The following VASH1 variants were observed in gnomAD, a reference collection of about 807,000 sequenced individuals.
VASH1 encodes tubulinyl-Tyr carboxypeptidase 1.
A neutral mutation model predicts 35.0 loss-of-function variants in VASH1; 16 were observed. The observed-to-expected ratio is 0.46, with a 90% CI of 0.31 to 0.70. The LOEUF (loss-of-function observed/expected upper bound fraction) is 0.70, where lower values mean the gene tolerates loss of function less well. Ranked by LOEUF, VASH1 falls within the 30% of genes least tolerant of loss-of-function variation. The probability of loss-of-function intolerance (pLI) is 0.05; values close to 1 mark genes in which losing one functional copy is unlikely to be tolerated. For missense variants in VASH1, 505 were observed against 510.7 expected, an observed-to-expected ratio of 0.99 and a Z score of 0.11; for synonymous variants, 214 against 200.9, an observed-to-expected ratio of 1.07 and a Z score of -0.55.
chr14:76,781,544 G>C lies in VASH1; in HGVS notation c.*2526G>C, dbSNP rs1306936538. 6.6e-6 allele frequency: 1 copy of C among 152,142 alleles called. No individual in the cohort carries two copies. Among genetic ancestry groups the C allele is most frequent in the East Asian group, 1.9e-4 (1 of 5,188 alleles). The allele number at this position is 152,142 out of a possible 1,614,324, so 9.4% of individuals were successfully genotyped here. A position where few individuals can be genotyped will look rare whatever the true frequency, so the allele number is the denominator to read the frequency against. On this transcript the variant is annotated 3_prime_UTR_variant, in exon 7 of 7. Transcript: ENST00000167106. ...GTAGATATGAGAGGGAGCCGCTCCTGGTTCTGGAGTCTTAGGAGGTTCCAA... is the reference window on the plus strand; with the variant it reads ...GTAGATATGAGAGGGAGCCGCTCCTCGTTCTGGAGTCTTAGGAGGTTCCAA...
chr14:76,778,136 G>T, intron 6 of VASH1, 65 bp downstream of exon 6: 1 of 1,226,818 alleles, frequency 8.2e-7, no homozygotes, highest in Non-Finnish European at 1.1e-6. Flanking sequence ...TCATCGTGTG[G>T]GTCCCTTTTT....
chr14:76,769,745 A>G, intron 1 of VASH1: 2 of 597,822 alleles, frequency 3.3e-6, no homozygotes, highest in East Asian at 6.2e-5. Context: ...TGAATGAGGA[A>G]TGCTGTTAAG....
At chr14:76,777,912 C>A in intron 5 of VASH1, 47 bp from the exon 6 acceptor site, 1 of 1,371,050 alleles carries the variant, frequency 7.3e-7, no homozygotes, top group Admixed American at 3.6e-5. Flanking sequence ...AGGTTGGGCT[C>A]CAGGGCAGTC....
chr14:76,779,724 T>G lies in VASH1; in HGVS notation c.*706T>G. 1 of 581,596 alleles carries G rather than the reference T, an allele frequency of 1.7e-6. No individual in the cohort carries two copies. The highest frequency in any genetic ancestry group is 3.0e-6 in the Non-Finnish European group (1 of 328,680). 36.0% of individuals were successfully genotyped at this position (581,596 alleles called of 1,614,324 possible). A position where few individuals can be genotyped will look rare whatever the true frequency, so the allele number is the denominator to read the frequency against. ...AGGGAAGGACCTCTGGGCAAAAAGT[T>G]CCCAGGCCCTAACTGCGTCTACTTG... On this transcript the variant is annotated 3_prime_UTR_variant, in exon 7 of 7. Coordinates refer to ENST00000167106, the MANE Select transcript of VASH1 (RefSeq NM_014909.5).
intron 4 of VASH1, chr14:76,775,049 C>T (rs4903489): frequency 0.22 from 33,482 of 152,266 alleles, 3,966 homozygotes; most frequent in Middle Eastern, 0.32. Flanking sequence ...CCCATTTGTT[C>T]GAGAACTTTC....
chr14:76,778,047 G>T lies in VASH1; in HGVS notation c.1001G>T (p.Arg334Leu). ...SPQRAQSSPH[R>L]RNSRSERRPS... ...CAGCGGGCCCAGTCCAGCCCCCACCGCAGGAACAGCCGCAGTGAAAGACGG... is the reference window on the plus strand; with the variant it reads ...CAGCGGGCCCAGTCCAGCCCCCACCTCAGGAACAGCCGCAGTGAAAGACGG... The change falls in exon 6 of 7, where the codon CGC becomes CTC. Residue 334 changes from arginine (R) to leucine (L), a missense_variant. Physicochemically the swap from Arg to Leu is moderately radical, Grantham distance 102. Coordinates refer to ENST00000167106, the MANE Select transcript of VASH1 (RefSeq NM_014909.5). The T allele has an allele frequency of 1.3e-6, 2 of 1,514,576 alleles. No homozygotes were observed. Among genetic ancestry groups the T allele is most frequent in the East Asian group, 5.5e-5 (2 of 36,556 alleles). The allele number at this position is 1,514,576 out of a possible 1,614,324, so 93.8% of individuals were successfully genotyped here.
At chr14:76,776,296 C>A (rs1413698863) in intron 5 of VASH1, 23 bp downstream of exon 5, 4 of 1,468,490 alleles carry the variant, frequency 2.7e-6, no homozygotes, top group Middle Eastern at 4.7e-4. Flanking sequence ...TCCACGCCCT[C>A]GCCCCCTCCC....
At chr14:76,771,307 A>G (rs1183520817) in intron 3 of VASH1, 61 bp downstream of exon 3, 1 of 1,474,556 alleles carries the variant, frequency 6.8e-7, no homozygotes, top group East Asian at 2.5e-5. Context: ...TGAAAGCCCT[A>G]TAGTGCACCT....
At chr14:76,768,265 G>A (rs1298762691) in intron 1 of VASH1, among the ~76,000 whole-genome samples, 1 of 152,240 alleles carries the variant, frequency 6.6e-6, no homozygotes, top group Non-Finnish European at 1.5e-5. Flanking sequence ...ACAGGAAGAG[G>A]GGGGAGCCCC....
chr14:76,771,313 C>T lies in VASH1; in HGVS notation c.455+67C>T. On this transcript the variant is annotated intron_variant, in intron 3 of 6. Coordinates refer to ENST00000167106, the MANE Select transcript of VASH1 (RefSeq NM_014909.5). ...GGAGCTTCTTGAAAGCCCTATAGTGCACCTTGGAGAGGAAGTTTATGGGGC... is the reference window on the plus strand; with the variant it reads ...GGAGCTTCTTGAAAGCCCTATAGTGTACCTTGGAGAGGAAGTTTATGGGGC... 3.5e-6 allele frequency: 5 copies of T among 1,416,852 alleles called. No individual in the cohort carries two copies. In the South Asian group the frequency reaches 4.8e-5, roughly 14 times the overall value. The allele number at this position is 1,416,852 out of a possible 1,614,324, so 87.8% of individuals were successfully genotyped here.
chr14:76,779,212 G>C lies in VASH1; in HGVS notation c.*194G>C. ...CAAGCCCCCTAACTTTGGGCCTAGA[G>C]GCCGTTAGTATTTTATTTGGAGTTT... On this transcript the variant is annotated 3_prime_UTR_variant, in exon 7 of 7. Coordinates refer to ENST00000167106, the MANE Select transcript of VASH1 (RefSeq NM_014909.5). 1 of 694,624 alleles carries C rather than the reference G, an allele frequency of 1.4e-6. No homozygotes were observed. The highest frequency in any genetic ancestry group is 2.6e-6 in the Non-Finnish European group (1 of 387,388). The allele number at this position is 694,624 out of a possible 1,614,324, so 43.0% of individuals were successfully genotyped here. A position where few individuals can be genotyped will look rare whatever the true frequency, so the allele number is the denominator to read the frequency against.
chr14:76,775,803 C>A lies in VASH1; in HGVS notation c.531-89C>A, dbSNP rs115514054. On this transcript the variant is annotated intron_variant, in intron 4 of 6. Coordinates refer to ENST00000167106, the MANE Select transcript of VASH1 (RefSeq NM_014909.5). ...TGTCTGCACCCCAAGGCTGGCGGTGCGTGGACCCCGTGGCTCCCGGTCCCA... is the reference window on the plus strand; with the variant it reads ...TGTCTGCACCCCAAGGCTGGCGGTGAGTGGACCCCGTGGCTCCCGGTCCCA... 312 of 1,464,626 alleles carry A rather than the reference C, an allele frequency of 2.1e-4. 2 individuals are homozygous for A. The African/African-American group carries it at 4.1e-3, about 19-fold the overall frequency. The allele number at this position is 1,464,626 out of a possible 1,614,324, so 90.7% of individuals were successfully genotyped here. A position where few individuals can be genotyped will look rare whatever the true frequency, so the allele number is the denominator to read the frequency against.
At position 76,761,600 on chromosome 14, in the gene VASH1, T is replaced by TCGTTGGCGGGCTCCG. The variant is rs1006639451; in HGVS notation, c.-1209_-1195dup. ...GAGCAGCGATCGGCTGGTGGGCTTC[T>TCGTTGGCGGGCTCCG]CGTTGGCGGGCTCCGCGTTGGCGGG... On this transcript the variant is annotated 5_prime_UTR_variant, in exon 1 of 7. Coordinates refer to ENST00000167106, the MANE Select transcript of VASH1 (RefSeq NM_014909.5). Among the ~76,000 whole-genome samples the TCGTTGGCGGGCTCCG allele has an allele frequency of 2.6e-5, 4 of 151,890 alleles. No homozygotes were observed. The highest frequency in any genetic ancestry group is 2.6e-4 in the Admixed American group (4 of 15,246).
chr14:76,776,723 G>A (rs1472175456), intron 5 of VASH1, among the ~76,000 whole-genome samples: 1 of 152,162 alleles, frequency 6.6e-6, no homozygotes, highest in African/African-American at 2.4e-5. Flanking sequence ...ACTTGAGCAG[G>A]AGGTGATAGG....
chr14:76,769,627 TAA>T (rs1396949327), intron 1 of VASH1, among the ~76,000 whole-genome samples: 1 of 152,254 alleles, frequency 6.6e-6, no homozygotes, highest in Non-Finnish European at 1.5e-5. Context: ...ATTATATTCT[TAA>T]GTCTTGAAAC....
chr14:76,772,300 C>T lies in VASH1; in HGVS notation c.456-837C>T, dbSNP rs1297686660. On this transcript the variant is annotated intron_variant, in intron 3 of 6. Coordinates refer to ENST00000167106, the MANE Select transcript of VASH1 (RefSeq NM_014909.5). ...TATGAAGTTTACATCTTGCCCCACACATAATCTATGTTTGCTTCTTTGTGA... is the reference window on the plus strand; with the variant it reads ...TATGAAGTTTACATCTTGCCCCACATATAATCTATGTTTGCTTCTTTGTGA... 2.0e-5 allele frequency among the ~76,000 whole-genome samples: 3 copies of T among 152,234 alleles called. No individual in the cohort carries two copies. In the East Asian group the frequency reaches 5.8e-4, roughly 29 times the overall value.
chr14:76,772,203 G>A (rs761957031), intron 3 of VASH1, among the ~76,000 whole-genome samples: 8 of 152,090 alleles, frequency 5.3e-5, no homozygotes, highest in South Asian at 2.1e-4. Flanking sequence ...TCACGCCACC[G>A]CACTCCAGCC....
Position 76,781,661 on chromosome 14 carries a change from C to T in VASH1, c.*2643C>T, listed in dbSNP as rs1894110994. On this transcript the variant is annotated 3_prime_UTR_variant, in exon 7 of 7. Transcript: ENST00000167106. ...TGTCTGCAAGGGAGGGAGCCGAGCC[C>T]CAGCTGATAATCCCCCAGCACTCAC... 1 of 152,536 alleles carries T rather than the reference C, an allele frequency of 6.6e-6. No individual in the cohort carries two copies. The highest frequency in any genetic ancestry group is 1.5e-5 in the Non-Finnish European group (1 of 68,258). The allele number at this position is 152,536 out of a possible 1,614,324, so 9.4% of individuals were successfully genotyped here. A position where few individuals can be genotyped will look rare whatever the true frequency, so the allele number is the denominator to read the frequency against.
chr14:76,778,460 A>G (rs1393513046), intron 6 of VASH1, among the ~76,000 whole-genome samples: 1 of 152,200 alleles, frequency 6.6e-6, no homozygotes, highest in Non-Finnish European at 1.5e-5. Context: ...CCAGGTAGCA[A>G]GAACAAGCCA....
Sources: gnomAD v4.1 joint callset for allele counts (sites outside exome capture counted in the v4.1 genomes callset) on GRCh38, gnomAD v4.1.1 for gene constraint, MANE v1.5 for transcripts, NCBI Gene and HGNC (gene_info 2026-07-23, HGNC 2026-07-21) for gene names.